PCDH15: variants seen among roughly 807,000 people sequenced by gnomAD.
The protein encoded by PCDH15 is protocadherin-15.
A neutral mutation model predicts 178.5 loss-of-function variants in PCDH15; 129 were observed. The ratio of observed to expected loss-of-function variants is 0.72; its 90% CI spans 0.63 to 0.84. The LOEUF (loss-of-function observed/expected upper bound fraction) is 0.84. Among genes scored for constraint, PCDH15 ranks in the 40% least tolerant of loss-of-function variants. The pLI, the probability that PCDH15 is intolerant of heterozygous loss-of-function variation, is 0.00. For synonymous variants in PCDH15, 800 were observed against 732.0 expected (o/e 1.09, Z -1.50); for missense variants, 2,230 against 2,099.9 (o/e 1.06, Z -1.21).
chr10:55,506,601 G>C (rs1355376790), intron 2 of PCDH15, among the ~76,000 whole-genome samples: 1 of 151,448 alleles, frequency 6.6e-6, no homozygotes, highest in Non-Finnish European at 1.5e-5. Context: ...ACTAGAAGAG[G>C]TATCGAGGAG....
At chr10:55,093,150 A>G (rs1842357893) in intron 2 of PCDH15, among the ~76,000 whole-genome samples, 2 of 152,086 alleles carry the variant, frequency 1.3e-5, no homozygotes, top group Non-Finnish European at 1.5e-5. Flanking sequence ...GAGGTATTAT[A>G]TGGTATCCAT....
chr10:54,817,256 G>A (rs1334806397), intron 3 of PCDH15, among the ~76,000 whole-genome samples: 1 of 151,896 alleles, frequency 6.6e-6, no homozygotes, highest in East Asian at 1.9e-4. Flanking sequence ...AGTCTTAGAA[G>A]CTGTAATAAT....
chr10:55,157,389 C>G (rs906917637), intron 2 of PCDH15, among the ~76,000 whole-genome samples: 8 of 148,332 alleles, frequency 5.4e-5, no homozygotes, highest in Middle Eastern at 3.4e-3. Context: ...TTGTGGAAGA[C>G]AGTGTGGCGA....
intron 1 of PCDH15, among the ~76,000 whole-genome samples, chr10:55,318,594 A>T (rs1177458990): frequency 6.6e-6 from 1 of 152,136 alleles, no homozygotes; most frequent in Non-Finnish European, 1.5e-5. Context: ...GAGAAAATAT[A>T]AAAAATATGA....
intron 2 of PCDH15, among the ~76,000 whole-genome samples, chr10:55,532,412 C>T (rs1841474836): frequency 6.6e-6 from 1 of 151,998 alleles, no homozygotes; most frequent in South Asian, 2.1e-4. Context: ...TTAATTCCAA[C>T]CTCATGCAGT....
chr10:54,245,881 T>C (rs903195681), intron 8 of PCDH15, among the ~76,000 whole-genome samples: 10 of 152,118 alleles, frequency 6.6e-5, no homozygotes, highest in Admixed American at 2.0e-4. Context: ...TTGTACAATA[T>C]ACAATTTGCT....
intron 5 of PCDH15, among the ~76,000 whole-genome samples, chr10:54,347,321 C>T (rs59095152): frequency 0.027 from 4,139 of 152,146 alleles, 175 homozygotes; most frequent in African/African-American, 0.095. Context: ...CAGCTTCTCC[C>T]ATACCACCCC....
intron 3 of PCDH15, among the ~76,000 whole-genome samples, chr10:54,876,360 T>C (rs979748181): frequency 4.6e-5 from 7 of 152,192 alleles, no homozygotes; most frequent in Admixed American, 1.3e-4. Flanking sequence ...CAATATCCAT[T>C]CTGCAGCCCA....
At chr10:55,028,440 C>T (rs1840529289) in intron 2 of PCDH15, among the ~76,000 whole-genome samples, 1 of 151,834 alleles carries the variant, frequency 6.6e-6, no homozygotes, top group South Asian at 2.1e-4. Context: ...CGTGCACAAA[C>T]ACATACTACC....
At chr10:54,079,699 C>T (rs977655781) in intron 16 of PCDH15, among the ~76,000 whole-genome samples, 2 of 152,062 alleles carry the variant, frequency 1.3e-5, no homozygotes, top group African/African-American at 4.8e-5. Context: ...TAATTCATTC[C>T]AAGAAGAACA....
At chr10:54,659,799 C>A (rs1473124055) in intron 2 of PCDH15, among the ~76,000 whole-genome samples, 1 of 148,640 alleles carries the variant, frequency 6.7e-6, no homozygotes, top group African/African-American at 2.5e-5. Context: ...CAAAACCACA[C>A]AAGTACATGG....
intron 7 of PCDH15, among the ~76,000 whole-genome samples, chr10:54,321,590 T>A (rs2061610038): frequency 1.3e-5 from 2 of 151,838 alleles, no homozygotes; most frequent in African/African-American, 2.4e-5. Flanking sequence ...ATAAACAAAT[T>A]TGAATTTTTT....
chr10:55,528,473 G>A (rs1006475415), intron 2 of PCDH15, among the ~76,000 whole-genome samples: 5 of 151,930 alleles, frequency 3.3e-5, no homozygotes, highest in East Asian at 1.9e-4. Context: ...GAGAACATGC[G>A]GTGTTTGGTT....
chr10:54,130,573 T>C (rs537206176), intron 15 of PCDH15, among the ~76,000 whole-genome samples: 1 of 152,260 alleles, frequency 6.6e-6, no homozygotes, highest in Admixed American at 6.5e-5. Context: ...AAATCACTGC[T>C]TCTCAAACAA....
chr10:53,916,660 A>C (rs539697441), intron 25 of PCDH15, among the ~76,000 whole-genome samples: 1 of 152,198 alleles, frequency 6.6e-6, no homozygotes, highest in Non-Finnish European at 1.5e-5. Context: ...CTGGGCAATA[A>C]AACTTTAAGC....
chr10:53,955,183 T>A (rs2087489535), intron 23 of PCDH15, among the ~76,000 whole-genome samples: 1 of 152,182 alleles, frequency 6.6e-6, no homozygotes, highest in Non-Finnish European at 1.5e-5. Flanking sequence ...AATCTCTAGA[T>A]GTGGACTTCT....
In PCDH15 at chr10:54,655,256, A is replaced by AAGAAAG. The variant is rs1189030773; in HGVS notation, c.91+8915_91+8916insCTTTCT. 2.1e-3 allele frequency among the ~76,000 whole-genome samples: 101 copies of AAGAAAG among 48,880 alleles called. 1 individual carries two copies. Among genetic ancestry groups the AAGAAAG allele is most frequent in the Non-Finnish European group, 3.2e-3 (84 of 25,960 alleles). The allele number at this position is 48,880 out of a possible 152,430, so 32.1% of individuals were successfully genotyped here. On this transcript the variant is annotated intron_variant, in intron 2 of 37. Coordinates refer to ENST00000644397, the MANE Select transcript of PCDH15 (RefSeq NM_001384140.1). ...AGGAAGGGAAAGAAAGAAAGAAAGA[A>AAGAAAG]AGAGAGAGAGAGAGAGAGAGAGAGA...
chr10:55,158,820 G>C (rs1384329388), intron 2 of PCDH15, among the ~76,000 whole-genome samples: 1 of 151,736 alleles, frequency 6.6e-6, no homozygotes, highest in Non-Finnish European at 1.5e-5. Flanking sequence ...GATTGAGCAG[G>C]GAGCTTTATG....
intron 2 of PCDH15, among the ~76,000 whole-genome samples, chr10:54,962,522 G>C (rs573587474): frequency 2.0e-5 from 3 of 152,200 alleles, no homozygotes; most frequent in Non-Finnish European, 2.9e-5. Flanking sequence ...TGACACTTTT[G>C]GGGGCTCTGT....
Sources: allele counts gnomAD v4.1 joint callset (sites outside exome capture counted in the v4.1 genomes callset), GRCh38; gene constraint gnomAD v4.1.1; transcripts MANE v1.5; gene names NCBI Gene and HGNC (gene_info 2026-07-23, HGNC 2026-07-21).